The following SCARA3 variants were observed in gnomAD, a reference collection of about 807,000 sequenced individuals.
SCARA3 encodes scavenger receptor class A member 3.
Under a neutral mutation model 47.0 loss-of-function variants are expected in SCARA3, and 39 were observed. The observed-to-expected ratio is 0.83, with a 90% CI of 0.64 to 1.08. The LOEUF (loss-of-function observed/expected upper bound fraction) is 1.08, where lower values mean the gene tolerates loss of function less well. Ranked by LOEUF, SCARA3 falls within the 50% of genes least tolerant of loss-of-function variation. SCARA3 has a pLI of 0.00. For missense variants in SCARA3, 724 were observed against 792.3 expected, an observed-to-expected ratio of 0.91 and a Z score of 1.04; for synonymous variants, 356 against 334.1, an observed-to-expected ratio of 1.07 and a Z score of -0.71.
chr8:27,703,855 T>TTTA, the SCARA3 span: 1 of 140,146 alleles, frequency 7.1e-6, no homozygotes, highest in South Asian at 2.2e-4. Context: ...TTTTTTTTTT[T>TTTA]TTTTTTTTTT....
Position 27,672,779 on chromosome 8 carries a change from A to G in SCARA3, c.*1428A>G, listed in dbSNP as rs1004306912. On this transcript the variant is annotated 3_prime_UTR_variant, in exon 6 of 6. Coordinates refer to ENST00000301904, the MANE Select transcript of SCARA3 (RefSeq NM_016240.3). ...TAAAGCTGCTTTGCCTTCATGTTCA[A>G]ACAGATTCAGGCACCACCCCCTCCA... 1.0e-6 allele frequency: 1 copy of G among 985,510 alleles called. No individual in the cohort carries two copies. Among genetic ancestry groups the G allele is most frequent in the Non-Finnish European group, 1.2e-6 (1 of 830,018 alleles). 61.0% of individuals were successfully genotyped at this position (985,510 alleles called of 1,614,324 possible). A position where few individuals can be genotyped will look rare whatever the true frequency, so the allele number is the denominator to read the frequency against.
chr8:27,702,317 C>T, the SCARA3 span: 1 of 152,318 alleles, frequency 6.6e-6, no homozygotes, highest in Non-Finnish European at 1.5e-5. Flanking sequence ...TCTTCTTCTT[C>T]TGGTGAAGTC....
At chr8:27,692,826 C>A in the SCARA3 span, among the ~76,000 whole-genome samples, 1 of 151,978 alleles carries the variant, frequency 6.6e-6, no homozygotes, top group Non-Finnish European at 1.5e-5. Context: ...CTCTTTCAAT[C>A]AGAAAATCTT....
the SCARA3 span, among the ~76,000 whole-genome samples, chr8:27,695,845 A>G: frequency 6.6e-6 from 1 of 152,152 alleles, no homozygotes; most frequent in Non-Finnish European, 1.5e-5. Flanking sequence ...ATAAAGAAAA[A>G]ATACAGTAGA....
the SCARA3 span, among the ~76,000 whole-genome samples, chr8:27,719,592 G>A: frequency 6.6e-6 from 1 of 150,902 alleles, no homozygotes; most frequent in African/African-American, 2.4e-5. Context: ...CCTTGACCAA[G>A]CCATCTTAGT....
chr8:27,694,715 C>A, the SCARA3 span, among the ~76,000 whole-genome samples: 1 of 152,024 alleles, frequency 6.6e-6, no homozygotes, highest in South Asian at 2.1e-4. Context: ...TGGTTTATGA[C>A]CTAATTTGTG....
At chr8:27,727,388 G>T in the SCARA3 span, among the ~76,000 whole-genome samples, 5 of 152,206 alleles carry the variant, frequency 3.3e-5, no homozygotes, top group African/African-American at 1.2e-4. Context: ...GAACCTCCGC[G>T]TGATGCGCGC....
intron 5 of SCARA3, among the ~76,000 whole-genome samples, chr8:27,670,697 C>T (rs550992117): frequency 1.1e-4 from 17 of 151,752 alleles, no homozygotes; most frequent in Non-Finnish European, 2.1e-4. Flanking sequence ...AGTGTGTGTG[C>T]GGAGCTTCTC....
rs1194083570 is a variant in SCARA3 at position 27,634,106 on chromosome 8, C to A, written c.-95C>A. 5 of 1,231,738 alleles carry A rather than the reference C, an allele frequency of 4.1e-6. No homozygotes were observed. The African/African-American group carries it at 4.7e-5, about 12-fold the overall frequency. 76.3% of individuals were successfully genotyped at this position (1,231,738 alleles called of 1,614,324 possible). On this transcript the variant is annotated 5_prime_UTR_variant, in exon 1 of 6. Transcript: ENST00000301904. ...CGGCCGCGGGCGGCGCCTAGGACGG[C>A]GATCCGCGCCCTGGAGGATCCGCCG... is the stretch of plus-strand genomic sequence containing the variant.
the SCARA3 span, among the ~76,000 whole-genome samples, chr8:27,729,719 A>C: frequency 1.3e-5 from 2 of 152,148 alleles, no homozygotes; most frequent in Non-Finnish European, 2.9e-5. Context: ...TGAACCCGGG[A>C]GGCGAAAGTT....
the SCARA3 span, chr8:27,697,260 G>T: frequency 4.5e-6 from 1 of 221,192 alleles, no homozygotes; most frequent in South Asian, 7.8e-5. Flanking sequence ...CATGCATGAT[G>T]ACATCGTTCT....
At chr8:27,648,366 G>A (rs936765139) in intron 1 of SCARA3, among the ~76,000 whole-genome samples, 1 of 152,214 alleles carries the variant, frequency 6.6e-6, no homozygotes, top group Non-Finnish European at 1.5e-5. Context: ...CAGCACTTTG[G>A]GAGGCCAAGG....
chr8:27,673,856 C>T (rs1387035851), downstream of SCARA3, among the ~76,000 whole-genome samples: 2 of 152,220 alleles, frequency 1.3e-5, no homozygotes, highest in African/African-American at 4.8e-5. Context: ...TCATTTCACG[C>T]TCCCTGAACT....
At chr8:27,690,559 CTG>C in the SCARA3 span, among the ~76,000 whole-genome samples, 2 of 152,078 alleles carry the variant, frequency 1.3e-5, no homozygotes, top group Non-Finnish European at 2.9e-5. Context: ...AATTATGTGA[CTG>C]TTAAAAAGTA....
intron 5 of SCARA3, among the ~76,000 whole-genome samples, chr8:27,660,282 G>C (rs934728891): frequency 6.6e-6 from 1 of 151,856 alleles, no homozygotes; most frequent in Non-Finnish European, 1.5e-5. Flanking sequence ...CACAGAAATA[G>C]AATCAATAGT....
At chr8:27,712,279 T>C in the SCARA3 span, among the ~76,000 whole-genome samples, 10 of 152,164 alleles carry the variant, frequency 6.6e-5, no homozygotes, top group Non-Finnish European at 1.2e-4. Flanking sequence ...GATTCTTCCA[T>C]GTGGCCGGGC....
chr8:27,659,500 C>G lies in SCARA3; in HGVS notation c.1330C>G (p.Gln444Glu). Residue 444 changes from glutamine (Q) to glutamate (E), a missense_variant, in exon 5 of 6, where the codon CAG becomes GAG. Physicochemically the swap from Gln to Glu is conservative, Grantham distance 29 (BLOSUM62 2). Coordinates refer to ENST00000301904, the MANE Select transcript of SCARA3 (RefSeq NM_016240.3). ...GGAGGAGATGAAGGCAGTGGACACA[C>G]AGCATGGAGAAATCCTTCGCAATGT... is the stretch of plus-strand genomic sequence containing the variant. The part of the protein sequence containing the change: ...IVEEMKAVDT[Q>E]HGEILRNVTI... 8.7e-6 allele frequency: 14 copies of G among 1,613,414 alleles called. No individual in the cohort carries two copies. The highest frequency in any genetic ancestry group is 1.2e-5 in the Non-Finnish European group (14 of 1,179,612).
At chr8:27,643,379 G>A (rs1403557412) in intron 1 of SCARA3, among the ~76,000 whole-genome samples, 1 of 152,248 alleles carries the variant, frequency 6.6e-6, no homozygotes, top group African/African-American at 2.4e-5. Context: ...GCTTGAGGAT[G>A]GGGACCAAAA....
the SCARA3 span, among the ~76,000 whole-genome samples, chr8:27,713,156 T>C: frequency 2.0e-5 from 3 of 152,374 alleles, no homozygotes; most frequent in Non-Finnish European, 2.9e-5. Context: ...GAACCATGGG[T>C]TGTATTTGAC....
Sources: allele counts gnomAD v4.1 joint callset (sites outside exome capture counted in the v4.1 genomes callset), GRCh38; gene constraint gnomAD v4.1.1; transcripts MANE v1.5; gene names NCBI Gene and HGNC (gene_info 2026-07-23, HGNC 2026-07-21).